CNTN1: variants seen among roughly 807,000 people sequenced by gnomAD.
CNTN1 encodes the protein contactin-1.
CNTN1 carries 38 observed loss-of-function variants against 126.4 expected under a neutral mutation model. The observed-to-expected ratio is 0.30, with a 90% CI of 0.23 to 0.39. The LOEUF is 0.39. Among genes scored for constraint, CNTN1 ranks in the 10% least tolerant of loss-of-function variants. The pLI is 1.00. For missense variants in CNTN1, 1,009 were observed against 1,248.4 expected (o/e 0.81, Z 2.89); for synonymous variants, 413 against 422.6 (o/e 0.98, Z 0.28).
chr12:40,911,718 A>C (rs371482952), intron 3 of CNTN1, among the ~76,000 whole-genome samples: 146 of 152,324 alleles, frequency 9.6e-4, no homozygotes, highest in African/African-American at 3.4e-3. Flanking sequence ...TCTTGTAGGC[A>C]AATAGAGCAT....
chr12:41,061,808 A>G (rs1311702990), intron 23 of CNTN1: 6 of 455,840 alleles, frequency 1.3e-5, no homozygotes, highest in Admixed American at 2.4e-5. Flanking sequence ...AAGATCACAG[A>G]AGCATCAGAA....
At chr12:40,825,292 T>C (rs1285400041) in intron 1 of CNTN1, among the ~76,000 whole-genome samples, 3 of 152,138 alleles carry the variant, frequency 2.0e-5, no homozygotes, top group Admixed American at 1.3e-4. Flanking sequence ...GGATGCATTC[T>C]TTTCCTAACT....
intron 1 of CNTN1, among the ~76,000 whole-genome samples, chr12:40,862,566 G>T (rs1943151867): frequency 6.6e-6 from 1 of 152,288 alleles, no homozygotes; most frequent in East Asian, 1.9e-4. Flanking sequence ...CTCAAGGAAA[G>T]TTATGAATAT....
At chr12:40,845,293 A>T (rs1942457317) in intron 1 of CNTN1, among the ~76,000 whole-genome samples, 1 of 152,220 alleles carries the variant, frequency 6.6e-6, no homozygotes, top group Non-Finnish European at 1.5e-5. Flanking sequence ...TAGAATTGTT[A>T]GCCCAGTAAA....
chr12:40,717,943 T>C (rs577332507), intron 1 of CNTN1, among the ~76,000 whole-genome samples: 1 of 152,338 alleles, frequency 6.6e-6, no homozygotes, highest in Admixed American at 6.5e-5. Context: ...ATATATTTTG[T>C]CTTTAAAGAA....
chr12:41,036,000 A>G (rs894104038), intron 23 of CNTN1, among the ~76,000 whole-genome samples: 1 of 152,156 alleles, frequency 6.6e-6, no homozygotes, highest in Non-Finnish European at 1.5e-5. Context: ...TGTGCAGAAA[A>G]TAGATTGGAG....
At chr12:40,905,264 CT>C (rs1944767626) in intron 1 of CNTN1, among the ~76,000 whole-genome samples, 1 of 152,190 alleles carries the variant, frequency 6.6e-6, no homozygotes, top group African/African-American at 2.4e-5. Flanking sequence ...CACAACTAAT[CT>C]TTTTTTAGGC....
At chr12:40,957,162 A>C (rs1946915793) in intron 14 of CNTN1, among the ~76,000 whole-genome samples, 1 of 152,018 alleles carries the variant, frequency 6.6e-6, no homozygotes, top group Non-Finnish European at 1.5e-5. Context: ...TAAGAAATGA[A>C]GAAATGGAAA....
intron 17 of CNTN1, among the ~76,000 whole-genome samples, chr12:40,996,288 C>T (rs532037594): frequency 5.3e-4 from 81 of 152,126 alleles, no homozygotes; most frequent in South Asian, 2.1e-3. Context: ...CTTGTCACCA[C>T]GCCCAGCTAT....
At chr12:40,809,849 C>CACACAT (rs1306559063) in intron 1 of CNTN1, among the ~76,000 whole-genome samples, 199 of 142,040 alleles carry the variant, frequency 1.4e-3, no homozygotes, top group African/African-American at 4.5e-3. Context: ...CACACACACA[C>CACACAT]AAAAGTCAAA....
Position 40,943,696 on chromosome 12 carries a change from T to C in CNTN1, c.1479T>C (p.Ala493=). The change falls in exon 13 of 24, where the codon GCT becomes GCC. Residue 493 remains alanine (A), a synonymous_variant. Transcript: ENST00000551295. The part of the protein sequence containing the change: ...TCFAENNRGK[A]NSTGTLVITD... ...TTGCAGAAAATAACAGAGGGAAAGC[T>C]AATAGCACTGGAACCCTTGTTATCA... 1 of 1,612,876 alleles carries C rather than the reference T, an allele frequency of 6.2e-7. No individual in the cohort carries two copies. The highest frequency in any genetic ancestry group is 8.5e-7 in the Non-Finnish European group (1 of 1,179,178).
chr12:40,974,842 G>GA (rs1008477552), intron 15 of CNTN1, among the ~76,000 whole-genome samples: 75 of 152,070 alleles, frequency 4.9e-4, no homozygotes, highest in African/African-American at 1.7e-3. Flanking sequence ...TAAGTACTCA[G>GA]AAAAAAGCAT....
intron 6 of CNTN1, among the ~76,000 whole-genome samples, chr12:40,925,830 GTA>G (rs1360197670): frequency 6.0e-5 from 4 of 66,640 alleles, no homozygotes; most frequent in East Asian, 7.1e-4. Flanking sequence ...ATATATATAT[GTA>G]TGTGTGTGTG....
intron 1 of CNTN1, among the ~76,000 whole-genome samples, chr12:40,767,475 A>AT (rs1939153609): frequency 6.7e-6 from 1 of 150,164 alleles, no homozygotes; most frequent in East Asian, 2.0e-4. Flanking sequence ...CGCCCAGCTA[A>AT]TTTTCTGTAT....
chr12:40,785,635 A>G (rs1346338354), intron 1 of CNTN1, among the ~76,000 whole-genome samples: 1 of 152,162 alleles, frequency 6.6e-6, no homozygotes, highest in Non-Finnish European at 1.5e-5. Flanking sequence ...GGAGAATTAC[A>G]AAGAACCTTC....
chr12:40,978,986 A>C (rs927699589), intron 15 of CNTN1: 1 of 152,092 alleles, frequency 6.6e-6, no homozygotes, highest in Non-Finnish European at 1.5e-5. Flanking sequence ...TTAGTAATTG[A>C]CTTAGGATGC....
intron 1 of CNTN1, among the ~76,000 whole-genome samples, chr12:40,747,305 A>ATGTGTGTGTGTGTG (rs58826763): frequency 0.038 from 5,642 of 148,264 alleles, 193 homozygotes; most frequent in East Asian, 0.098. Context: ...TTGTGAAGGG[A>ATGTGTGTGTGTGTG]TGTGTGTGTG....
chr12:40,984,896 C>A (rs963160705), intron 16 of CNTN1, among the ~76,000 whole-genome samples: 1 of 151,826 alleles, frequency 6.6e-6, no homozygotes, highest in Non-Finnish European at 1.5e-5. Context: ...TAGTTTTCTA[C>A]AATTACTTTT....
At chr12:40,699,317 C>T (rs1158315461) in intron 1 of CNTN1, among the ~76,000 whole-genome samples, 1 of 152,058 alleles carries the variant, frequency 6.6e-6, no homozygotes, top group Non-Finnish European at 1.5e-5. Context: ...CATATCTTTA[C>T]CCTGGAAACC....
Sources: gnomAD v4.1 joint callset for allele counts (sites outside exome capture counted in the v4.1 genomes callset) on GRCh38, gnomAD v4.1.1 for gene constraint, MANE v1.5 for transcripts, NCBI Gene and HGNC (gene_info 2026-07-23, HGNC 2026-07-21) for gene names.